Variants in RPS6KA5 observed in about 807,000 individuals in gnomAD.
RPS6KA5 encodes ribosomal protein S6 kinase A5.
RPS6KA5 carries 27 observed loss-of-function variants against 85.5 expected under a neutral mutation model. That is an observed-to-expected ratio of 0.32 (90% CI 0.23 to 0.44). The LOEUF is 0.44. Among genes scored for constraint, RPS6KA5 ranks in the 20% least tolerant of loss-of-function variants. The pLI is 1.00. For missense variants in RPS6KA5, 811 were observed against 980.9 expected, an observed-to-expected ratio of 0.83 and a Z score of 2.31; for synonymous variants, 334 against 348.2, an observed-to-expected ratio of 0.96 and a Z score of 0.46.
intron 1 of RPS6KA5, among the ~76,000 whole-genome samples, chr14:91,003,381 C>T (rs755692674): frequency 6.6e-6 from 1 of 152,200 alleles, no homozygotes; most frequent in Non-Finnish European, 1.5e-5. Flanking sequence ...ATTAATTACA[C>T]TTTCTTTTAC....
At chr14:90,971,189 T>G (rs2039302777) in intron 3 of RPS6KA5, among the ~76,000 whole-genome samples, 1 of 152,044 alleles carries the variant, frequency 6.6e-6, no homozygotes, top group Non-Finnish European at 1.5e-5. Context: ...AGGTGGCACA[T>G]GCCTGTAAAC....
chr14:90,965,418 A>T (rs924505911), intron 3 of RPS6KA5, among the ~76,000 whole-genome samples: 1 of 152,170 alleles, frequency 6.6e-6, no homozygotes, highest in African/African-American at 2.4e-5. Context: ...ATTTTTGCCA[A>T]TCTGACATAC....
At position 91,052,285 on chromosome 14, in the gene RPS6KA5, TAAAAAAAAAAAAAAAAA is replaced by T. The variant is rs57523052; in HGVS notation, c.103+8030_103+8046del. ...CAACATGGCAAAACCCCATCTCTAC[TAAAAAAAAAAAAAAAAA>T]AAAAAAAAAAAAAAAATTACCTGGG... On this transcript the variant is annotated intron_variant, in intron 1 of 16. Transcript: ENST00000614987. 87 of 213,020 alleles carry T rather than the reference TAAAAAAAAAAAAAAAAA, an allele frequency of 4.1e-4. 1 individual carries two copies. The highest frequency in any genetic ancestry group is 1.2e-3 in the Admixed American group (14 of 11,894). 13.2% of individuals were successfully genotyped at this position (213,020 alleles called of 1,614,324 possible).
intron 1 of RPS6KA5, among the ~76,000 whole-genome samples, chr14:91,035,390 AG>A (rs2042355908): frequency 1.3e-5 from 2 of 152,162 alleles, no homozygotes; most frequent in South Asian, 4.1e-4. Flanking sequence ...AAAAATGAGT[AG>A]GGGGGCATGG....
At chr14:90,975,495 G>C (rs1399441652) in intron 3 of RPS6KA5, among the ~76,000 whole-genome samples, 1 of 152,176 alleles carries the variant, frequency 6.6e-6, no homozygotes, top group African/African-American at 2.4e-5. Context: ...CACAAAAAGA[G>C]ATACCAGGGG....
intron 3 of RPS6KA5, among the ~76,000 whole-genome samples, chr14:90,967,418 C>T (rs2039122182): frequency 6.6e-6 from 1 of 152,030 alleles, no homozygotes; most frequent in Non-Finnish European, 1.5e-5. Context: ...CTAATAGCTC[C>T]TATTATTATT....
intron 5 of RPS6KA5, among the ~76,000 whole-genome samples, 197 bp from the exon 6 acceptor site, chr14:90,923,393 C>T (rs76800977): frequency 0.026 from 3,899 of 152,234 alleles, 68 homozygotes; most frequent in Non-Finnish European, 0.036. Context: ...CATCCCATCC[C>T]ATCAGAAAGA....
chr14:90,889,212 T>C (rs1253157145), intron 14 of RPS6KA5, among the ~76,000 whole-genome samples: 2 of 145,786 alleles, frequency 1.4e-5, no homozygotes, highest in African/African-American at 5.1e-5. Context: ...GAGAATCGCT[T>C]GAATCCGGGA....
chr14:90,914,309 G>GT (rs10658805), intron 7 of RPS6KA5, among the ~76,000 whole-genome samples: 17,370 of 81,548 alleles, frequency 0.21, 2,537 homozygotes, highest in Middle Eastern at 0.31. Context: ...GATCCCTAGG[G>GT]TTTTTTTTTT....
intron 2 of RPS6KA5, among the ~76,000 whole-genome samples, chr14:90,991,786 G>C (rs917435990): frequency 4.0e-5 from 6 of 150,564 alleles, no homozygotes; most frequent in Admixed American, 2.0e-4. Context: ...TTATTTAAAA[G>C]TTTCTAGCTC....
At position 91,041,356 on chromosome 14, in the gene RPS6KA5, T is replaced by A. The variant is rs2042600496; in HGVS notation, c.103+18976A>T. ...CAAAACATAAGCTTCTTAGACTAAT[T>A]TAGCTTCAGTCAAAAGGTGACAATT... On this transcript the variant is annotated intron_variant, in intron 1 of 16. Coordinates refer to ENST00000614987, the MANE Select transcript of RPS6KA5 (RefSeq NM_004755.4). Among the ~76,000 whole-genome samples, 6 of 152,266 alleles carry A rather than the reference T, an allele frequency of 3.9e-5. No homozygotes were observed. The South Asian group carries it at 1.2e-3, about 32-fold the overall frequency.
chr14:91,028,857 G>C (rs1397850198), intron 1 of RPS6KA5, among the ~76,000 whole-genome samples: 1 of 151,948 alleles, frequency 6.6e-6, no homozygotes, highest in African/African-American at 2.4e-5. Flanking sequence ...CACGCACATG[G>C]GTTTACTTTA....
chr14:90,929,840 G>A (rs1595245386), intron 5 of RPS6KA5, among the ~76,000 whole-genome samples: 2 of 152,092 alleles, frequency 1.3e-5, no homozygotes, highest in South Asian at 2.1e-4. Flanking sequence ...CACCTTTTCA[G>A]AATCAAGACT....
At chr14:91,028,892 T>C (rs1374851338) in intron 1 of RPS6KA5, among the ~76,000 whole-genome samples, 2 of 152,214 alleles carry the variant, frequency 1.3e-5, no homozygotes, top group Non-Finnish European at 2.9e-5. Context: ...TTTATCTTCA[T>C]ATAGGCCTAG....
intron 14 of RPS6KA5, among the ~76,000 whole-genome samples, chr14:90,887,113 C>T (rs561485282): frequency 1.3e-3 from 195 of 151,896 alleles, no homozygotes; most frequent in African/African-American, 4.6e-3. Context: ...TCTTTTTTTT[C>T]GGATAGTTTA....
intron 1 of RPS6KA5, among the ~76,000 whole-genome samples, chr14:91,018,649 T>C (rs1403602464): frequency 6.6e-6 from 1 of 152,214 alleles, no homozygotes; most frequent in Non-Finnish European, 1.5e-5. Flanking sequence ...TTTGGACTCT[T>C]GGACTTACAC....
intron 3 of RPS6KA5, among the ~76,000 whole-genome samples, chr14:90,952,354 C>A (rs570756681): frequency 6.6e-6 from 1 of 152,216 alleles, no homozygotes; most frequent in Non-Finnish European, 1.5e-5. Flanking sequence ...ATCTGGATAT[C>A]GGTAACTTTA....
At chr14:91,002,258 A>G (rs1235877728) in intron 1 of RPS6KA5, among the ~76,000 whole-genome samples, 1 of 152,164 alleles carries the variant, frequency 6.6e-6, no homozygotes, top group African/African-American at 2.4e-5. Context: ...TTAAAATAAG[A>G]TAAATTTATA....
chr14:90,974,745 C>A (rs1487720043), intron 3 of RPS6KA5, among the ~76,000 whole-genome samples: 5 of 152,246 alleles, frequency 3.3e-5, no homozygotes, highest in African/African-American at 1.2e-4. Flanking sequence ...TCTTGGACCT[C>A]ACAGCCCAGC....
Sources: gnomAD v4.1 joint callset for allele counts (sites outside exome capture counted in the v4.1 genomes callset) on GRCh38, gnomAD v4.1.1 for gene constraint, MANE v1.5 for transcripts, NCBI Gene and HGNC (gene_info 2026-07-23, HGNC 2026-07-21) for gene names.